The following AGBL4 variants were observed in gnomAD, a reference collection of about 807,000 sequenced individuals.
The protein encoded by AGBL4 is AGBL carboxypeptidase 4.
AGBL4 carries 58 observed loss-of-function variants against 66.4 expected under a neutral mutation model. The observed-to-expected ratio is 0.87, with a 90% confidence interval of 0.71 to 1.09. The LOEUF is 1.09. AGBL4 is among the 50% of genes least tolerant of loss of function. AGBL4 has a pLI of 0.00. For missense variants in AGBL4, 579 were observed against 631.0 expected (o/e 0.92, Z 0.88); for synonymous variants, 234 against 222.9 (o/e 1.05, Z -0.44).
intron 1 of AGBL4, among the ~76,000 whole-genome samples, chr1:49,942,028 A>T (rs544098538): frequency 6.6e-6 from 1 of 152,280 alleles, no homozygotes; most frequent in South Asian, 2.1e-4. Context: ...TAAAATAAAT[A>T]ATCAACATAT....
intron 1 of AGBL4, among the ~76,000 whole-genome samples, chr1:49,885,401 T>C (rs1367653297): frequency 6.6e-6 from 1 of 152,016 alleles, no homozygotes; most frequent in Non-Finnish European, 1.5e-5. Context: ...GTACCCATTA[T>C]ATAGCTTCTT....
At chr1:48,748,368 A>C (rs1445475798) in intron 6 of AGBL4, among the ~76,000 whole-genome samples, 4 of 152,340 alleles carry the variant, frequency 2.6e-5, no homozygotes, top group Non-Finnish European at 5.9e-5. Context: ...GTGAGAATCT[A>C]CTAAGTACCT....
chr1:49,649,858 A>G (rs1007294184), intron 3 of AGBL4, among the ~76,000 whole-genome samples: 1 of 152,160 alleles, frequency 6.6e-6, no homozygotes, highest in Non-Finnish European at 1.5e-5. Flanking sequence ...AAATCCCCAA[A>G]TACTTGCAGA....
chr1:49,518,826 G>A lies in AGBL4; in HGVS notation c.282+178487C>T, dbSNP rs190926769. Among the ~76,000 whole-genome samples, 243 of 152,026 alleles carry A rather than the reference G, an allele frequency of 1.6e-3. 2 individuals are homozygous for A. The highest frequency in any genetic ancestry group is 4.9e-3 in the African/African-American group (203 of 41,496). ...ATTGTATTACTTTTTAATATTTGTC[G>A]TAACTAAAAGCAGGCCAATAAACTA... On this transcript the variant is annotated intron_variant, in intron 3 of 13. Transcript: ENST00000371839.
chr1:49,304,136 A>C (rs978443740), intron 3 of AGBL4, among the ~76,000 whole-genome samples: 1 of 152,158 alleles, frequency 6.6e-6, no homozygotes, highest in Non-Finnish European at 1.5e-5. Context: ...TCTTTAATCC[A>C]TCTTGAGTTA....
intron 6 of AGBL4, among the ~76,000 whole-genome samples, chr1:48,798,549 T>C (rs1645741446): frequency 2.0e-5 from 3 of 152,168 alleles, no homozygotes; most frequent in Non-Finnish European, 1.5e-5. Flanking sequence ...TGCTTTGTTT[T>C]GTTGCATTTG....
chr1:48,537,193 T>C (rs559436785), intron 12 of AGBL4, among the ~76,000 whole-genome samples: 74 of 152,324 alleles, frequency 4.9e-4, no homozygotes, highest in South Asian at 1.2e-3. Context: ...TGGGAATTCA[T>C]TTTTAAAGGA....
chr1:49,192,893 A>G (rs543687628), intron 4 of AGBL4, among the ~76,000 whole-genome samples: 12 of 152,242 alleles, frequency 7.9e-5, no homozygotes, highest in African/African-American at 2.9e-4. Flanking sequence ...TACTGCTTCA[A>G]TTTCCTACTC....
At chr1:48,987,472 A>G (rs1660269385) in intron 5 of AGBL4, among the ~76,000 whole-genome samples, 1 of 152,054 alleles carries the variant, frequency 6.6e-6, no homozygotes, top group African/African-American at 2.4e-5. Context: ...AGATTTAACA[A>G]TTCTAAATAT....
intron 3 of AGBL4, among the ~76,000 whole-genome samples, chr1:49,605,977 A>C (rs1377268836): frequency 6.6e-6 from 1 of 152,154 alleles, no homozygotes; most frequent in Non-Finnish European, 1.5e-5. Context: ...CATTCTCTAT[A>C]ATTCTACCTC....
At chr1:48,615,410 G>A (rs1215480306) in intron 9 of AGBL4, among the ~76,000 whole-genome samples, 1 of 152,196 alleles carries the variant, frequency 6.6e-6, no homozygotes, top group Non-Finnish European at 1.5e-5. Flanking sequence ...TAGGAGAGTA[G>A]TTGTTGCACC....
At chr1:49,131,855 G>A (rs1319088762) in intron 4 of AGBL4, among the ~76,000 whole-genome samples, 1 of 152,014 alleles carries the variant, frequency 6.6e-6, no homozygotes, top group Non-Finnish European at 1.5e-5. Context: ...ATCAGATTAT[G>A]GGGGATGATA....
chr1:48,596,226 T>G (rs933227180), intron 9 of AGBL4, among the ~76,000 whole-genome samples: 14 of 152,142 alleles, frequency 9.2e-5, no homozygotes, highest in Admixed American at 9.2e-4. Context: ...GCAAGCCCCA[T>G]GCAGGTTCCT....
At chr1:49,192,294 A>AATTT (rs1315514772) in intron 4 of AGBL4, among the ~76,000 whole-genome samples, 1 of 151,892 alleles carries the variant, frequency 6.6e-6, no homozygotes, top group East Asian at 1.9e-4. Context: ...TCAACATATA[A>AATTT]ATTTATTTAT....
intron 3 of AGBL4, among the ~76,000 whole-genome samples, chr1:49,537,793 G>A (rs923031303): frequency 2.0e-5 from 3 of 152,158 alleles, no homozygotes; most frequent in Non-Finnish European, 4.4e-5. Flanking sequence ...CAGGCATGGT[G>A]GTGGGTGCCT....
intron 1 of AGBL4, among the ~76,000 whole-genome samples, chr1:49,999,186 C>A (rs1660569007): frequency 6.6e-6 from 1 of 151,992 alleles, no homozygotes; most frequent in Non-Finnish European, 1.5e-5. Context: ...ACCCTACAGA[C>A]TCATCCAAAA....
At chr1:49,400,474 T>C (rs930661760) in intron 3 of AGBL4, among the ~76,000 whole-genome samples, 5 of 152,174 alleles carry the variant, frequency 3.3e-5, no homozygotes, top group African/African-American at 1.2e-4. Flanking sequence ...CTTTGGAGAG[T>C]ATAAACATTT....
chr1:49,017,216 G>A (rs1291208018), intron 5 of AGBL4, among the ~76,000 whole-genome samples: 1 of 152,168 alleles, frequency 6.6e-6, no homozygotes, highest in African/African-American at 2.4e-5. Flanking sequence ...TAGTGTTGGA[G>A]AATTAGAGCA....
chr1:49,148,245 A>G (rs549773284), intron 4 of AGBL4, among the ~76,000 whole-genome samples: 4 of 152,292 alleles, frequency 2.6e-5, no homozygotes, highest in African/African-American at 7.2e-5. Context: ...ATTACTATCT[A>G]TCCCTCATAA....
Sources: allele counts gnomAD v4.1 joint callset (sites outside exome capture counted in the v4.1 genomes callset), GRCh38; gene constraint gnomAD v4.1.1; transcripts MANE v1.5; gene names NCBI Gene and HGNC (gene_info 2026-07-23, HGNC 2026-07-21).